PRKCA: variants seen among roughly 807,000 people sequenced by gnomAD.
PRKCA encodes protein kinase C alpha.
Under a neutral mutation model 87.0 loss-of-function variants are expected in PRKCA, and 27 were observed. The ratio of observed to expected loss-of-function variants is 0.31; its 90% CI spans 0.23 to 0.43. The LOEUF (loss-of-function observed/expected upper bound fraction) is 0.43. Ranked by LOEUF, PRKCA falls within the 20% of genes least tolerant of loss-of-function variation. The pLI is 1.00. For synonymous variants in PRKCA, 329 were observed against 311.1 expected (o/e 1.06, Z -0.61); for missense variants, 518 against 852.3 (o/e 0.61, Z 4.88).
In PRKCA at chr17:66,803,431, A is replaced by G. The variant is rs1336989454; in HGVS notation, c.1855-442A>G. On this transcript the variant is annotated intron_variant, in intron 16 of 16. Transcript: ENST00000413366. The surrounding 1 kb of genome is among the most constrained non-coding windows in gnomAD (Gnocchi z 4.4). ...TTCACTACAAATATTGCGGCAAAAAAACAGATGTGGGGCAGTAACTCACCC... is the reference window on the plus strand; with the variant it reads ...TTCACTACAAATATTGCGGCAAAAAGACAGATGTGGGGCAGTAACTCACCC... 6.6e-6 allele frequency among the ~76,000 whole-genome samples: 1 copy of G among 152,224 alleles called. No individual in the cohort carries two copies. The highest frequency in any genetic ancestry group is 1.5e-5 in the Non-Finnish European group (1 of 68,036).
intron 8 of PRKCA, among the ~76,000 whole-genome samples, chr17:66,727,798 A>C (rs1329959738): frequency 6.6e-6 from 1 of 152,120 alleles, no homozygotes; most frequent in Non-Finnish European, 1.5e-5. Flanking sequence ...AGGAAGACAG[A>C]GGAGGTGCTG....
chr17:66,695,053 G>A (rs1295667876), intron 8 of PRKCA, among the ~76,000 whole-genome samples: 1 of 152,164 alleles, frequency 6.6e-6, no homozygotes, highest in Non-Finnish European at 1.5e-5. Flanking sequence ...TTCTAGGCCT[G>A]CCTGGGATCC....
intron 3 of PRKCA, among the ~76,000 whole-genome samples, chr17:66,511,424 C>T (rs1289179931): frequency 6.6e-6 from 1 of 152,150 alleles, no homozygotes; most frequent in East Asian, 1.9e-4. Flanking sequence ...GGCAGGGCTG[C>T]TCTCTTTTGC....
At chr17:66,785,986 G>T (rs767951452) in intron 14 of PRKCA, among the ~76,000 whole-genome samples, 1 of 152,190 alleles carries the variant, frequency 6.6e-6, no homozygotes, top group Non-Finnish European at 1.5e-5. Context: ...TCGCCACCAT[G>T]CCCGGCTAAT....
intron 2 of PRKCA, among the ~76,000 whole-genome samples, chr17:66,319,387 A>ATAATT (rs1360910303): frequency 6.6e-6 from 1 of 152,196 alleles, no homozygotes; most frequent in Non-Finnish European, 1.5e-5. Flanking sequence ...TTTTTGGCTG[A>ATAATT]CTTACCCGTT....
rs575384961 is a variant in PRKCA, at chr17:66,565,883, G to A, written c.288+69600G>A. 3.3e-5 allele frequency among the ~76,000 whole-genome samples: 5 copies of A among 152,118 alleles called. No individual in the cohort carries two copies. The South Asian group carries it at 6.2e-4, about 19-fold the overall frequency. ...TCATTTTAATGCTGTTTTTGAGTCC[G>A]TTGACTACCCCGGGAAATCAAAGTT... is the stretch of plus-strand genomic sequence containing the variant. On this transcript the variant is annotated intron_variant, in intron 3 of 16. Coordinates refer to ENST00000413366, the MANE Select transcript of PRKCA (RefSeq NM_002737.3).
At chr17:66,765,279 G>C (rs1364667842) in intron 13 of PRKCA, among the ~76,000 whole-genome samples, 1 of 151,392 alleles carries the variant, frequency 6.6e-6, no homozygotes. Context: ...CAGGCATAAT[G>C]ATGGGTGCCT....
chr17:66,480,219 C>T (rs1048945756), intron 2 of PRKCA, among the ~76,000 whole-genome samples: 7 of 152,014 alleles, frequency 4.6e-5, no homozygotes, highest in Admixed American at 6.6e-5. Flanking sequence ...TCGTGTTTTT[C>T]CCCAGTTGCT....
chr17:66,649,680 T>C (rs1196709602), intron 5 of PRKCA, among the ~76,000 whole-genome samples: 4 of 152,154 alleles, frequency 2.6e-5, no homozygotes, highest in Admixed American at 6.5e-5. Flanking sequence ...CCATAAATAT[T>C]TGCTGAACCC....
In PRKCA at chr17:66,348,442, A is replaced by G. The variant is rs1598607845; in HGVS notation, c.205+42315A>G. On this transcript the variant is annotated intron_variant, in intron 2 of 16. Coordinates refer to ENST00000413366, the MANE Select transcript of PRKCA (RefSeq NM_002737.3). ...GCACCATCAGTGCAAACGTCAACAC[A>G]AGGAAAAAGGCAAATAGTGGCTCAG... Among the ~76,000 whole-genome samples the G allele has an allele frequency of 3.9e-5, 6 of 152,256 alleles. No homozygotes were observed. In the South Asian group the frequency reaches 1.2e-3, roughly 32 times the overall value.
chr17:66,697,400 C>A (rs1257315810), intron 8 of PRKCA, among the ~76,000 whole-genome samples: 3 of 152,126 alleles, frequency 2.0e-5, no homozygotes, highest in Non-Finnish European at 4.4e-5. Flanking sequence ...AGAGAAGTTT[C>A]AGAACACTGT....
chr17:66,574,856 T>G (rs1969187359), intron 3 of PRKCA, among the ~76,000 whole-genome samples: 1 of 152,190 alleles, frequency 6.6e-6, no homozygotes, highest in African/African-American at 2.4e-5. Context: ...CAGTAAGAGA[T>G]TAACAACAAT....
chr17:66,606,264 T>G (rs1970206858), intron 3 of PRKCA, among the ~76,000 whole-genome samples: 1 of 152,168 alleles, frequency 6.6e-6, no homozygotes, highest in South Asian at 2.1e-4. Flanking sequence ...GGCACGTGCC[T>G]GTAATCCCAG....
intron 5 of PRKCA, among the ~76,000 whole-genome samples, chr17:66,647,534 T>A (rs1971486466): frequency 6.6e-6 from 1 of 152,222 alleles, no homozygotes; most frequent in South Asian, 2.1e-4. Context: ...TCTTCTGTAA[T>A]AAAAGCAGCA....
chr17:66,715,025 C>T (rs1200480553), intron 8 of PRKCA, among the ~76,000 whole-genome samples: 1 of 152,162 alleles, frequency 6.6e-6, no homozygotes, highest in Non-Finnish European at 1.5e-5. Flanking sequence ...GTCGGCCCTG[C>T]TTTCAAATTG....
chr17:66,719,541 T>A (rs940490958), intron 8 of PRKCA, among the ~76,000 whole-genome samples: 1 of 152,190 alleles, frequency 6.6e-6, no homozygotes, highest in South Asian at 2.1e-4. Flanking sequence ...CCGAGGTGGG[T>A]GGATCACTTG....
At chr17:66,688,078 AACTT>A (rs1458982867) in intron 6 of PRKCA, among the ~76,000 whole-genome samples, 2 of 152,208 alleles carry the variant, frequency 1.3e-5, no homozygotes, top group Non-Finnish European at 2.9e-5. Context: ...GTCCTAATAA[AACTT>A]TATTTATAAA....
At chr17:66,401,375 A>G (rs1911015486) in intron 2 of PRKCA, among the ~76,000 whole-genome samples, 1 of 152,216 alleles carries the variant, frequency 6.6e-6, no homozygotes, top group South Asian at 2.1e-4. Context: ...ACTTTGAGCA[A>G]TTGGAAAGCC....
chr17:66,543,311 T>C (rs1968047261), intron 3 of PRKCA, among the ~76,000 whole-genome samples: 1 of 152,198 alleles, frequency 6.6e-6, no homozygotes, highest in Non-Finnish European at 1.5e-5. Context: ...ATTCTTTGAA[T>C]ACCATGTGGC....
Sources: gnomAD v4.1 joint callset for allele counts (sites outside exome capture counted in the v4.1 genomes callset) on GRCh38, gnomAD v4.1.1 for gene constraint, Gnocchi (gnomAD v3.1) non-coding constraint, MANE v1.5 for transcripts, NCBI Gene and HGNC (gene_info 2026-07-23, HGNC 2026-07-21) for gene names.